STAB2: variants seen among roughly 807,000 people sequenced by gnomAD.
STAB2 encodes stabilin 2, also known as stabilin-2.
Under a neutral mutation model 338.1 loss-of-function variants are expected in STAB2, and 288 were observed. That is an observed-to-expected ratio of 0.85 (90% CI 0.77 to 0.94). The LOEUF is 0.94. Ranked by LOEUF, STAB2 falls within the 40% of genes least tolerant of loss-of-function variation. The probability of loss-of-function intolerance (pLI) is 0.00; values close to 1 mark genes in which losing one functional copy is unlikely to be tolerated. For missense variants in STAB2, 3,141 were observed against 3,210.1 expected (o/e 0.98, Z 0.52); for synonymous variants, 1,202 against 1,193.3 (o/e 1.01, Z -0.15).
chr12:103,619,749 GC>G (rs1019358375), intron 3 of STAB2, among the ~76,000 whole-genome samples: 2 of 139,756 alleles, frequency 1.4e-5, no homozygotes, highest in Admixed American at 7.2e-5. Flanking sequence ...CATCAGCAAC[GC>G]CCCCCGCCCC....
At chr12:103,656,383 T>G (rs2138750639) in intron 15 of STAB2, among the ~76,000 whole-genome samples, 1 of 152,270 alleles carries the variant, frequency 6.6e-6, no homozygotes, top group Admixed American at 6.5e-5. Context: ...TCCCAGTCTT[T>G]TAGGGTAGTG....
intron 67 of STAB2, chr12:103,763,168 T>C: frequency 3.9e-6 from 1 of 257,174 alleles, no homozygotes; most frequent in East Asian, 8.4e-5. Flanking sequence ...GCAACACCAC[T>C]TCAGGGTGAT....
At chr12:103,667,655 A>G (rs1313779215) in intron 19 of STAB2, among the ~76,000 whole-genome samples, 1 of 152,210 alleles carries the variant, frequency 6.6e-6, no homozygotes, top group Non-Finnish European at 1.5e-5. Flanking sequence ...TGAGATTCCC[A>G]AAAGGACTGT....
At position 103,742,473 on chromosome 12, in the gene STAB2, G is replaced by C. The variant is rs199578907; in HGVS notation, c.5950G>C (p.Gly1984Arg). The change falls in exon 56 of 69, where the codon GGA (glycine) becomes CGA (arginine). Residue 1984 changes from glycine (G) to arginine (R), a missense_variant. Gly to Arg is a moderately radical substitution (Grantham distance 125). Transcript: ENST00000388887. The stretch of plus-strand genomic sequence containing the variant: ...CTGCCTTGATCAGTACTCGGCCACC[G>C]GAGAGTGTAAATGCAACACCGGCTT... ...GVCLDQYSAT[G>R]ECKCNTGFNG... 4 of 1,614,000 alleles carry C rather than the reference G, an allele frequency of 2.5e-6. No individual in the cohort carries two copies. Among genetic ancestry groups the C allele is most frequent in the Non-Finnish European group, 3.4e-6 (4 of 1,180,034 alleles).
In STAB2 at chr12:103,652,565, C is replaced by A. The variant is rs770032371; in HGVS notation, c.1267C>A (p.Leu423Ile). Residue 423 changes from leucine to isoleucine, a missense_variant, in exon 12 of 69, where the codon CTT becomes ATT. Transcript: ENST00000388887. ...GGCTCTTCTCTCTTAGGTAAATGAGCTTTTGGTGGATAATAAAGCTGCTCA... is the reference window on the plus strand; with the variant it reads ...GGCTCTTCTCTCTTAGGTAAATGAGATTTTGGTGGATAATAAAGCTGCTCA... ...KGLKGFNVNE[L>I]LVDNKAAQYF... is the part of the protein sequence containing the mutation. 1.3e-6 allele frequency: 2 copies of A among 1,582,856 alleles called. No homozygotes were observed. The highest frequency in any genetic ancestry group is 2.3e-5 in the East Asian group (1 of 43,940).
intron 34 of STAB2, among the ~76,000 whole-genome samples, chr12:103,702,243 C>T (rs920656838): frequency 7.9e-5 from 12 of 151,208 alleles, no homozygotes; most frequent in East Asian, 7.7e-4. Flanking sequence ...TTTATGGACA[C>T]GCTAAACAAG....
Position 103,714,696 on chromosome 12 carries a change from A to C in STAB2, c.4537+928A>C, listed in dbSNP as rs148521845. ...AGTGAGACTCCATTTCCAAAAAAAA[A>C]AAAAAACCATTTAGCCCTGTTTATC... On this transcript the variant is annotated intron_variant, in intron 42 of 68. Transcript: ENST00000388887. Among the ~76,000 whole-genome samples the C allele has an allele frequency of 2.7e-3, 417 of 152,258 alleles. 2 individuals are homozygous for C. The highest frequency in any genetic ancestry group is 9.3e-3 in the African/African-American group (388 of 41,540).
chr12:103,705,492 C>T (rs1879263681), intron 36 of STAB2, 140 bp from the exon 37 acceptor site: 6 of 641,368 alleles, frequency 9.4e-6, no homozygotes, highest in African/African-American at 1.8e-5. Flanking sequence ...GCTTAAGAAG[C>T]AGTGCCAACA....
chr12:103,608,968 G>A (rs576802830), intron 3 of STAB2, among the ~76,000 whole-genome samples: 27 of 152,202 alleles, frequency 1.8e-4, no homozygotes, highest in South Asian at 4.2e-4. Flanking sequence ...TCCTGCTTTC[G>A]TCAGATTTGT....
chr12:103,663,100 C>A, intron 18 of STAB2, 102 bp downstream of exon 18: 1 of 1,431,222 alleles, frequency 7.0e-7, no homozygotes, highest in Non-Finnish European at 9.4e-7. Flanking sequence ...GAAAGTTGGA[C>A]TTCCAGAACC....
intron 3 of STAB2, among the ~76,000 whole-genome samples, chr12:103,599,808 A>C (rs1205244541): frequency 6.6e-6 from 1 of 152,186 alleles, no homozygotes; most frequent in South Asian, 2.1e-4. Context: ...GGTGGATGGT[A>C]AGCCTCCAGA....
At position 103,663,002 on chromosome 12, in the gene STAB2, A is replaced by G. The variant is rs1874757899; in HGVS notation, c.2022+4A>G. On this transcript the variant is annotated splice_donor_region_variant and intron_variant, in intron 18 of 68. Transcript: ENST00000388887. ...AACAAAGAGAGAGATGAAACTGGTA[A>G]GAAAACTAGGAAAATAAGTAAGGGC... is the stretch of plus-strand genomic sequence containing the variant. The G allele has an allele frequency of 6.2e-7, 1 of 1,613,962 alleles. No individual in the cohort carries two copies. Among genetic ancestry groups the G allele is most frequent in the African/African-American group, 1.3e-5 (1 of 75,030 alleles).
intron 9 of STAB2, among the ~76,000 whole-genome samples, chr12:103,648,225 A>T (rs1388530367): frequency 6.6e-6 from 1 of 152,206 alleles, no homozygotes; most frequent in African/African-American, 2.4e-5. Flanking sequence ...AGAAGTGGCA[A>T]TTGAGCAGAG....
chr12:103,596,952 C>CAA (rs35439238), intron 3 of STAB2, among the ~76,000 whole-genome samples: 657 of 64,482 alleles, frequency 0.01, 26 homozygotes, highest in Middle Eastern at 0.047. Context: ...GACCCTATCT[C>CAA]AAAAAAAAAA....
intron 5 of STAB2, among the ~76,000 whole-genome samples, chr12:103,630,952 G>T (rs1957450934): frequency 6.6e-6 from 1 of 152,212 alleles, no homozygotes; most frequent in South Asian, 2.1e-4. Flanking sequence ...ACAACATGCT[G>T]CAGACAGGGC....
chr12:103,738,323 T>C (rs540520047), intron 53 of STAB2, among the ~76,000 whole-genome samples: 20 of 152,314 alleles, frequency 1.3e-4, no homozygotes, highest in African/African-American at 4.8e-4. Context: ...TGAGGCATTT[T>C]TACATTCACT....
chr12:103,749,067 G>C lies in STAB2; in HGVS notation c.6349G>C (p.Asp2117His). 6.2e-7 allele frequency: 1 copy of C among 1,614,156 alleles called. No homozygotes were observed. Among genetic ancestry groups the C allele is most frequent in the Non-Finnish European group, 8.5e-7 (1 of 1,180,030 alleles). ...SCSCQKGYKG[D>H]GHSCTEIDPC... ...CAGCTGCCAGAAGGGATACAAAGGGGACGGGCACAGCTGCACAGAGATAGA... is the reference window on the plus strand; with the variant it reads ...CAGCTGCCAGAAGGGATACAAAGGGCACGGGCACAGCTGCACAGAGATAGA... Residue 2117 changes from aspartate to histidine, a missense_variant, in exon 59 of 69, where the codon GAC becomes CAC. Asp to His is a moderately conservative substitution (Grantham distance 81). Coordinates refer to ENST00000388887, the MANE Select transcript of STAB2 (RefSeq NM_017564.10).
In STAB2 at chr12:103,688,204, C is replaced by G. The variant is rs758124266; in HGVS notation, c.3034C>G (p.Arg1012Gly). 7 of 1,613,638 alleles carry G rather than the reference C, an allele frequency of 4.3e-6. No homozygotes were observed. Among genetic ancestry groups the G allele is most frequent in the South Asian group, 2.2e-5 (2 of 91,056 alleles). ...SFLSEAAIFN[R>G]WINNASLQPT... ...TCTCTCCGAAGCAGCTATATTTAAC[C>G]GATGGATAAATGTGAGTACCTTTAT... is the stretch of plus-strand genomic sequence containing the variant. The change falls in exon 28 of 69, where the codon CGA becomes GGA. Residue 1012 changes from arginine (R) to glycine (G), a missense_variant. Arg to Gly is a moderately radical substitution (Grantham distance 125, BLOSUM62 -2). Coordinates refer to ENST00000388887, the MANE Select transcript of STAB2 (RefSeq NM_017564.10).
At chr12:103,725,634 ATATGTGCATGTGTGTATGCACGTG>A (rs1395160382) in intron 45 of STAB2, among the ~76,000 whole-genome samples, 1 of 151,882 alleles carries the variant, frequency 6.6e-6, no homozygotes, top group African/African-American at 2.4e-5. Flanking sequence ...ATGCAGGTGC[ATATGTGCATGTGTGTATGCACGTG>A]TGTGTGCATG....
Sources: gnomAD v4.1 joint callset for allele counts (sites outside exome capture counted in the v4.1 genomes callset) on GRCh38, gnomAD v4.1.1 for gene constraint, MANE v1.5 for transcripts, NCBI Gene and HGNC (gene_info 2026-07-23, HGNC 2026-07-21) for gene names.